Variants in GLRA1 observed in about 807,000 individuals in gnomAD.
GLRA1 encodes the protein glycine receptor alpha 1.
Under a neutral mutation model 48.3 loss-of-function variants are expected in GLRA1, and 37 were observed. The ratio of observed to expected loss-of-function variants is 0.77; its 90% CI spans 0.59 to 1.01. The LOEUF (loss-of-function observed/expected upper bound fraction) is 1.01. Ranked by LOEUF, GLRA1 falls within the 50% of genes least tolerant of loss-of-function variation. The probability of loss-of-function intolerance (pLI) is 0.00; values close to 1 mark genes in which losing one functional copy is unlikely to be tolerated. For missense variants in GLRA1, 427 were observed against 571.0 expected (o/e 0.75, Z 2.57); for synonymous variants, 196 against 210.7 (o/e 0.93, Z 0.60).
At chr5:151,879,108 G>T (rs1419260752) in intron 3 of GLRA1, among the ~76,000 whole-genome samples, 1 of 152,254 alleles carries the variant, frequency 6.6e-6, no homozygotes, top group Non-Finnish European at 1.5e-5. Flanking sequence ...GGGCATAGCT[G>T]CCCAAGACCA....
At chr5:151,842,596 TC>T (rs1763739245) in intron 7 of GLRA1, among the ~76,000 whole-genome samples, 1 of 152,160 alleles carries the variant, frequency 6.6e-6, no homozygotes, top group Non-Finnish European at 1.5e-5. Context: ...ATAGAAAACT[TC>T]CTCAAACTGT....
At chr5:151,903,946 G>T (rs373641008) in intron 1 of GLRA1, among the ~76,000 whole-genome samples, 44 of 152,182 alleles carry the variant, frequency 2.9e-4, no homozygotes, top group African/African-American at 1.1e-3. Flanking sequence ...AAATTTTGGC[G>T]CAAGTTTTGG....
At chr5:151,830,023 A>G (rs973356508) in intron 7 of GLRA1, among the ~76,000 whole-genome samples, 2 of 152,372 alleles carry the variant, frequency 1.3e-5, no homozygotes, top group South Asian at 2.1e-4. Context: ...TAATGCTGCT[A>G]TAAACAACCA....
intron 1 of GLRA1, among the ~76,000 whole-genome samples, chr5:151,905,318 A>T (rs1196820622): frequency 6.6e-6 from 1 of 152,106 alleles, no homozygotes; most frequent in African/African-American, 2.4e-5. Context: ...TTTCCTCTAC[A>T]GATCATAATG....
chr5:151,873,583 C>A (rs1021924822), intron 3 of GLRA1, among the ~76,000 whole-genome samples: 1 of 151,448 alleles, frequency 6.6e-6, no homozygotes, highest in Non-Finnish European at 1.5e-5. Context: ...TGGCTTGAAC[C>A]TGGGAGGTGG....
chr5:151,887,884 G>A (rs547265541), intron 2 of GLRA1, among the ~76,000 whole-genome samples: 11 of 152,352 alleles, frequency 7.2e-5, no homozygotes, highest in African/African-American at 1.7e-4. Context: ...AATAAGGCAC[G>A]AAAGACCTCA....
At chr5:151,833,057 T>A (rs1031630401) in intron 7 of GLRA1, among the ~76,000 whole-genome samples, 2 of 152,090 alleles carry the variant, frequency 1.3e-5, no homozygotes, top group Admixed American at 6.5e-5. Context: ...CTAAGCTTCA[T>A]AAGCAAAGGA....
At position 151,859,965 on chromosome 5, in the gene GLRA1, G is replaced by T. The variant is rs775236352; in HGVS notation, c.296C>A (p.Pro99His). The T allele has an allele frequency of 3.7e-6, 6 of 1,613,952 alleles. No homozygotes were observed. The highest frequency in any genetic ancestry group is 1.3e-5 in the African/African-American group (1 of 74,888). ...NIFLRQQWND[P>H]RLAYNEYPDD... ...AGGGTATTCATTATAGGCCAGGCGG[G>T]GGTCGTTCCATTGCTGCCGCAGGAA... The change falls in exon 4 of 9, where the codon CCC (proline) becomes CAC (histidine). Residue 99 changes from proline (P) to histidine (H), a missense_variant. Physicochemically the swap from Pro to His is moderately conservative, Grantham distance 77. Around this residue, in one of 4 missense-constraint regions of GLRA1, gnomAD observed 271 missense variants for 434.9 expected, o/e 0.62. Transcript: ENST00000274576.
intron 1 of GLRA1, among the ~76,000 whole-genome samples, chr5:151,906,169 T>C (rs1754469619): frequency 1.3e-5 from 2 of 152,204 alleles, no homozygotes; most frequent in South Asian, 4.1e-4. Context: ...GGATACTTTC[T>C]ATAATTGTTT....
chr5:151,899,935 A>C (rs1309910882), intron 1 of GLRA1, among the ~76,000 whole-genome samples: 1 of 152,184 alleles, frequency 6.6e-6, no homozygotes. Context: ...GTATTTGAAC[A>C]TGATTTTCTT....
At position 151,825,944 on chromosome 5, in the gene GLRA1, G is replaced by A. The variant is rs77771915; in HGVS notation, c.1059+2977C>T. ...CTAGGGTACAAATCACTTCCAGAGC[G>A]GCTTACTCTAAGGAAACTATTCTTT... is the stretch of plus-strand genomic sequence containing the variant. On this transcript the variant is annotated intron_variant, in intron 8 of 8. Transcript: ENST00000274576. 6.5e-3 allele frequency among the ~76,000 whole-genome samples: 993 copies of A among 152,256 alleles called. 11 individuals carry two copies. The highest frequency in any genetic ancestry group is 0.022 in the African/African-American group (924 of 41,540).
At chr5:151,900,084 C>T (rs1210134379) in intron 1 of GLRA1, among the ~76,000 whole-genome samples, 1 of 152,178 alleles carries the variant, frequency 6.6e-6, no homozygotes, top group Non-Finnish European at 1.5e-5. Flanking sequence ...ATGTTTTCCT[C>T]TGGATAGCCT....
chr5:151,892,171 T>G, intron 2 of GLRA1, 140 bp downstream of exon 2: 1 of 813,188 alleles, frequency 1.2e-6, no homozygotes, highest in South Asian at 1.5e-5. Context: ...CTGAATTGAT[T>G]AAGAATGTCT....
chr5:151,887,264 G>T (rs1206915846), intron 2 of GLRA1, among the ~76,000 whole-genome samples: 1 of 152,200 alleles, frequency 6.6e-6, no homozygotes, highest in Non-Finnish European at 1.5e-5. Flanking sequence ...AATCCAGAAG[G>T]AACCTCAGGG....
chr5:151,864,433 A>T (rs1444401061), intron 3 of GLRA1, among the ~76,000 whole-genome samples: 2 of 152,210 alleles, frequency 1.3e-5, no homozygotes, highest in Non-Finnish European at 2.9e-5. Context: ...AGGGTAAGAA[A>T]ACAGGTTTGG....
At chr5:151,850,209 C>T (rs1246728071) in intron 7 of GLRA1, 2 of 1,603,562 alleles carry the variant, frequency 1.2e-6, no homozygotes, top group Non-Finnish European at 1.7e-6. Context: ...CGTGGAGGCC[C>T]ATTACCAGGC....
chr5:151,867,003 T>C (rs1222528114), intron 3 of GLRA1, among the ~76,000 whole-genome samples: 3 of 152,052 alleles, frequency 2.0e-5, no homozygotes, highest in South Asian at 2.1e-4. Context: ...CCCAGCTACT[T>C]GGGAGGCTGA....
Position 151,855,071 on chromosome 5 carries a change from G to A in GLRA1, c.666C>T (p.Asp222=), listed in dbSNP as rs777130797. 1.5e-5 allele frequency: 25 copies of A among 1,614,006 alleles called. No homozygotes were observed. Among genetic ancestry groups the A allele is most frequent in the Non-Finnish European group, 2.1e-5 (25 of 1,179,996 alleles). ...TGTAGTGCTTGGTGCAGTATCTCAA[G>A]TCCTTCTCTTCCTTCAAGATAAACT... ...LPQFILKEEK[D]LRYCTKHYNT... The change falls in exon 6 of 9, where the codon GAC becomes GAT. Residue 222 remains aspartate, a synonymous_variant. Coordinates refer to ENST00000274576, the MANE Select transcript of GLRA1 (RefSeq NM_000171.4).
At chr5:151,881,274 G>A (rs1293323344) in intron 3 of GLRA1, among the ~76,000 whole-genome samples, 1 of 151,744 alleles carries the variant, frequency 6.6e-6, no homozygotes, top group African/African-American at 2.4e-5. Context: ...TCTAGATCAG[G>A]ATTCCCTTTC....
Sources: gnomAD v4.1 joint callset for allele counts (sites outside exome capture counted in the v4.1 genomes callset) on GRCh38, gnomAD v4.1.1 for gene constraint, gnomAD v4.1.1 regional missense constraint, MANE v1.5 for transcripts, NCBI Gene and HGNC (gene_info 2026-07-23, HGNC 2026-07-21) for gene names.